Variants in ATP8B1 observed in about 807,000 individuals in gnomAD.
ATP8B1 encodes phospholipid-transporting ATPase IC.
Under a neutral mutation model 149.9 loss-of-function variants are expected in ATP8B1, and 80 were observed. The observed-to-expected ratio is 0.53, with a 90% CI of 0.45 to 0.64. The LOEUF is 0.64. ATP8B1 is among the 30% of genes least tolerant of loss of function. The pLI is 0.00. For missense variants in ATP8B1, 1,247 were observed against 1,552.6 expected, an observed-to-expected ratio of 0.80 and a Z score of 3.31; for synonymous variants, 536 against 562.8, an observed-to-expected ratio of 0.95 and a Z score of 0.67.
intron 1 of ATP8B1, among the ~76,000 whole-genome samples, chr18:57,786,922 G>C (rs1038360398): frequency 6.6e-6 from 1 of 152,172 alleles, no homozygotes; most frequent in Non-Finnish European, 1.5e-5. Flanking sequence ...CTAGTAAGGG[G>C]TATTGAAATA....
chr18:57,648,753 A>T, intron 27 of ATP8B1, 41 bp from the exon 28 acceptor site: 4 of 1,543,040 alleles, frequency 2.6e-6, no homozygotes, highest in Non-Finnish European at 3.5e-6. Context: ...AATAAGATCC[A>T]CACCAGGGAG....
At chr18:57,699,318 C>CA (rs1208206399) in intron 6 of ATP8B1, among the ~76,000 whole-genome samples, 2 of 152,092 alleles carry the variant, frequency 1.3e-5, no homozygotes, top group Non-Finnish European at 2.9e-5. Context: ...TGTCAAAAGA[C>CA]AAAATCACAA....
At chr18:57,682,383 G>C (rs1912025679) in intron 15 of ATP8B1, among the ~76,000 whole-genome samples, 1 of 152,138 alleles carries the variant, frequency 6.6e-6, no homozygotes, top group Non-Finnish European at 1.5e-5. Context: ...ACCCAGACTG[G>C]GCTGACTCAT....
In ATP8B1 at chr18:57,674,824, G is replaced by A. The variant is rs767885426; in HGVS notation, c.1819+10C>T. ...GAGCGATTCATAGACAGACTCTGAG[G>A]GGGACTTACCAATGATAGACATTCG... On this transcript the variant is annotated intron_variant, in intron 16 of 27. Transcript: ENST00000648908. 8.7e-6 allele frequency: 14 copies of A among 1,613,444 alleles called. No individual in the cohort carries two copies. In the Admixed American group the frequency reaches 2.0e-4, roughly 23 times the overall value.
At chr18:57,799,060 G>A (rs545234443) in intron 1 of ATP8B1, among the ~76,000 whole-genome samples, 31 of 152,328 alleles carry the variant, frequency 2.0e-4, no homozygotes, top group Admixed American at 1.6e-3. Context: ...TGTGTGCTAA[G>A]TCCTCTACCT....
intron 1 of ATP8B1, among the ~76,000 whole-genome samples, chr18:57,775,632 A>G (rs1449274337): frequency 6.9e-6 from 1 of 145,708 alleles, no homozygotes; most frequent in Non-Finnish European, 1.5e-5. Flanking sequence ...GCAGTGAAAC[A>G]ACTGGCCATG....
At chr18:57,728,529 G>A (rs2079729896) in intron 2 of ATP8B1, among the ~76,000 whole-genome samples, 1 of 152,054 alleles carries the variant, frequency 6.6e-6, no homozygotes. Flanking sequence ...GGAAATGGGA[G>A]GAAAGAGGTC....
intron 1 of ATP8B1, among the ~76,000 whole-genome samples, chr18:57,750,595 C>T (rs905362532): frequency 7.9e-5 from 12 of 152,200 alleles, no homozygotes; most frequent in Admixed American, 6.5e-4. Context: ...CCAAGTGCTC[C>T]GCAGCTAGGC....
chr18:57,652,956 A>G (rs186335139), intron 24 of ATP8B1, among the ~76,000 whole-genome samples: 1 of 152,202 alleles, frequency 6.6e-6, no homozygotes, highest in African/African-American at 2.4e-5. Context: ...GGCTAGGTAT[A>G]AGTTTATTAC....
intron 1 of ATP8B1, among the ~76,000 whole-genome samples, chr18:57,800,367 GT>G (rs1027569502): frequency 1.2e-4 from 19 of 152,190 alleles, no homozygotes; most frequent in Middle Eastern, 6.8e-3. Context: ...AAAACAACTT[GT>G]TCTGGTACCT....
Position 57,648,709 on chromosome 18 carries a change from G to C in ATP8B1, c.3535C>G (p.Gln1179Glu), listed in dbSNP as rs1909365764. 6.4e-7 allele frequency: 1 copy of C among 1,552,292 alleles called. No homozygotes were observed. The highest frequency in any genetic ancestry group is 2.4e-5 in the East Asian group (1 of 41,052). ...GCCTTCAACCGCTTGCGATGCTTCT[G>C]GATCTGCAAGGGGGAGAGATGGGGA... ...TIWPSESDKI[Q>E]KHRKRLKAEE... Residue 1179 changes from glutamine (Q) to glutamate (E), a missense_variant, in exon 28 of 28, where the codon CAG becomes GAG. Physicochemically the swap from Gln to Glu is conservative, Grantham distance 29 (BLOSUM62 2). Transcript: ENST00000648908.
intron 1 of ATP8B1, among the ~76,000 whole-genome samples, chr18:57,773,078 C>T (rs1003281054): frequency 6.6e-6 from 1 of 151,580 alleles, no homozygotes; most frequent in Non-Finnish European, 1.5e-5. Flanking sequence ...TGGTGCATGC[C>T]TGTAATTCCA....
intron 2 of ATP8B1, among the ~76,000 whole-genome samples, chr18:57,729,391 A>C (rs2079738236): frequency 1.3e-5 from 2 of 152,108 alleles, no homozygotes; most frequent in Non-Finnish European, 2.9e-5. Context: ...AATGAGGAAG[A>C]AGCATGTTTT....
At chr18:57,741,616 C>A (rs1295342549) in intron 1 of ATP8B1, among the ~76,000 whole-genome samples, 2 of 152,186 alleles carry the variant, frequency 1.3e-5, no homozygotes, top group Non-Finnish European at 2.9e-5. Flanking sequence ...ACACTTGATT[C>A]ATGGAAACTG....
At position 57,784,403 on chromosome 18, in the gene ATP8B1, G is replaced by A. The variant is rs1223816941; in HGVS notation, c.-26+18595C>T. On this transcript the variant is annotated intron_variant, in intron 1 of 27. Transcript: ENST00000648908. The surrounding 1 kb of genome is among the most constrained non-coding windows in gnomAD (Gnocchi z 4.4). Reference sequence around the variant, plus strand: ...AAGGCTACTGGAATGGTCCAGGAGAGGGAGGATGACAGCTTGAACCTCGCG... The same window carrying A: ...AAGGCTACTGGAATGGTCCAGGAGAAGGAGGATGACAGCTTGAACCTCGCG... Among the ~76,000 whole-genome samples the A allele has an allele frequency of 6.6e-6, 1 of 152,172 alleles. No homozygotes were observed. The highest frequency in any genetic ancestry group is 1.5e-5 in the Non-Finnish European group (1 of 68,040).
chr18:57,661,655 ATATG>A (rs1485327505), intron 21 of ATP8B1, among the ~76,000 whole-genome samples, 193 bp from the exon 22 acceptor site: 1 of 112,898 alleles, frequency 8.9e-6, no homozygotes, highest in Non-Finnish European at 2.0e-5. Flanking sequence ...ACGCACACAT[ATATG>A]TATGTGTGTA....
intron 2 of ATP8B1, among the ~76,000 whole-genome samples, chr18:57,710,020 G>A (rs1413950495): frequency 4.7e-5 from 7 of 148,564 alleles, no homozygotes; most frequent in African/African-American, 9.9e-5. Flanking sequence ...TTTAAGAGAC[G>A]GAGTCTCACT....
chr18:57,688,594 G>T, intron 12 of ATP8B1, 87 bp from the exon 13 acceptor site: 1 of 1,330,322 alleles, frequency 7.5e-7, no homozygotes, highest in Non-Finnish European at 1.1e-6. Context: ...ACAGACGAGA[G>T]CAAGCTGCTT....
intron 26 of ATP8B1, 131 bp downstream of exon 26, chr18:57,651,903 G>T: frequency 8.4e-7 from 1 of 1,187,148 alleles, no homozygotes; most frequent in Non-Finnish European, 1.2e-6. Flanking sequence ...CAAAATGCTG[G>T]GATTACAGGT....
Sources: gnomAD v4.1 joint callset for allele counts (sites outside exome capture counted in the v4.1 genomes callset) on GRCh38, gnomAD v4.1.1 for gene constraint, Gnocchi (gnomAD v3.1) non-coding constraint, MANE v1.5 for transcripts, NCBI Gene and HGNC (gene_info 2026-07-23, HGNC 2026-07-21) for gene names.